AGO3: variants seen among roughly 807,000 people sequenced by gnomAD.
AGO3 encodes the protein argonaute RISC catalytic component 3.
In AGO3, 16 loss-of-function variants were observed where a neutral mutation model predicts 105.5. That is an observed-to-expected ratio of 0.15 (90% CI 0.10 to 0.23). AGO3 has a LOEUF of 0.23. Among genes scored for constraint, AGO3 ranks in the 10% least tolerant of loss-of-function variants. AGO3 has a pLI of 1.00. For synonymous variants in AGO3, 340 were observed against 367.3 expected, an observed-to-expected ratio of 0.93 and a Z score of 0.85; for missense variants, 534 against 1,088.0, an observed-to-expected ratio of 0.49 and a Z score of 7.16.
chr1:35,934,904 G>A (rs911759038), intron 1 of AGO3, among the ~76,000 whole-genome samples: 2 of 151,948 alleles, frequency 1.3e-5, no homozygotes, highest in Non-Finnish European at 2.9e-5. Context: ...TGCCTGCCTC[G>A]GCCTCCCAGA....
chr1:36,012,194 G>A (rs1317828341), intron 9 of AGO3, among the ~76,000 whole-genome samples: 2 of 151,840 alleles, frequency 1.3e-5, no homozygotes, highest in Non-Finnish European at 1.5e-5. Context: ...AATTAGCCAG[G>A]TATGTGGCAT....
At position 36,014,628 on chromosome 1, in the gene AGO3, A is replaced by G. The variant is rs60294618; in HGVS notation, c.1406+580A>G. On this transcript the variant is annotated intron_variant, in intron 11 of 18. Transcript: ENST00000373191. ...GTACTAAAAATACAAAAAATTAGCC[A>G]GGCGTGGTGGTGGGCGCCTGTAGTC... Among the ~76,000 whole-genome samples, 31 of 151,798 alleles carry G rather than the reference A, an allele frequency of 2.0e-4. 1 individual carries two copies. In the East Asian group the frequency reaches 5.7e-3, roughly 28 times the overall value.
intron 5 of AGO3, among the ~76,000 whole-genome samples, chr1:36,003,625 C>G (rs561327987): frequency 2.2e-5 from 3 of 138,932 alleles, no homozygotes; most frequent in African/African-American, 8.3e-5. Context: ...ACCCGGGAGG[C>G]GGAGATTACA....
At position 35,972,151 on chromosome 1, in the gene AGO3, A is replaced by T; in HGVS notation, c.440A>T (p.Glu147Val). The T allele has an allele frequency of 6.2e-7, 1 of 1,614,092 alleles. No homozygotes were observed. Among genetic ancestry groups the T allele is most frequent in the Non-Finnish European group, 8.5e-7 (1 of 1,180,018 alleles). The part of the protein sequence containing the change: ...HEVLTGRTLP[E>V]PLELDKPIST... ...GTACTGACAGGACGGACCTTGCCTGAGCCACTGGAATTAGACAAGCCAATC... is the reference window on the plus strand; with the variant it reads ...GTACTGACAGGACGGACCTTGCCTGTGCCACTGGAATTAGACAAGCCAATC... The change falls in exon 4 of 19, where the codon GAG becomes GTG. Residue 147 changes from glutamate to valine, a missense_variant. Around this residue, in one of 2 missense-constraint regions of AGO3, gnomAD observed 161 missense variants for 234.0 expected, o/e 0.69. Coordinates refer to ENST00000373191, the MANE Select transcript of AGO3 (RefSeq NM_024852.4).
At chr1:35,952,719 A>G (rs1310368530) in intron 2 of AGO3, among the ~76,000 whole-genome samples, 1 of 152,164 alleles carries the variant, frequency 6.6e-6, no homozygotes, top group East Asian at 1.9e-4. Flanking sequence ...ACAGGTTTGT[A>G]GCCCAGGAGT....
intron 5 of AGO3, among the ~76,000 whole-genome samples, chr1:35,987,220 C>G (rs936947677): frequency 1.4e-5 from 2 of 146,774 alleles, no homozygotes; most frequent in African/African-American, 2.5e-5. Context: ...CCCAGCTACT[C>G]GGGAGGCTGA....
intron 6 of AGO3, among the ~76,000 whole-genome samples, chr1:36,006,729 T>TGA (rs1246885023): frequency 6.6e-6 from 1 of 152,184 alleles, no homozygotes; most frequent in Non-Finnish European, 1.5e-5. Context: ...CTTATAAAGG[T>TGA]AGTTGTAATG....
At chr1:35,969,479 TC>T (rs1489772508) in intron 3 of AGO3, among the ~76,000 whole-genome samples, 1 of 152,202 alleles carries the variant, frequency 6.6e-6, no homozygotes, top group Admixed American at 6.5e-5. Flanking sequence ...TCTAATTCTG[TC>T]ATTCATTCTC....
At chr1:36,043,413 C>T in intron 16 of AGO3, 34 bp from the exon 17 acceptor site, 2 of 1,550,236 alleles carry the variant, frequency 1.3e-6, no homozygotes, top group Admixed American at 1.8e-5. Flanking sequence ...TTACCTTTTT[C>T]TTGTTTGTTT....
In AGO3 at chr1:36,055,715, A is replaced by G. The variant is rs1642895730; in HGVS notation, c.2553A>G (p.Gln851=). 1.9e-6 allele frequency: 3 copies of G among 1,614,098 alleles called. No individual in the cohort carries two copies. The highest frequency in any genetic ancestry group is 2.2e-5 in the South Asian group (2 of 91,094). The stretch of plus-strand genomic sequence containing the variant: ...TTGCCAAGGCTGTACAGATTCACCA[A>G]GATACCTTACGCACAATGTACTTCG... ...QALAKAVQIH[Q]DTLRTMYFA The change falls in exon 19 of 19, where the codon CAA becomes CAG. Residue 851 remains glutamine, a synonymous_variant. Transcript: ENST00000373191. The surrounding 1 kb of genome is among the most constrained non-coding windows in gnomAD (Gnocchi z 4.4).
chr1:36,048,573 AGAAAG>A (rs893027618), intron 17 of AGO3, among the ~76,000 whole-genome samples: 2 of 152,174 alleles, frequency 1.3e-5, no homozygotes, highest in Admixed American at 1.3e-4. Context: ...GATAATAAGA[AGAAAG>A]GAAGAAAGGA....
rs1320021932 is a variant in AGO3, at chr1:36,057,531, A to G, written c.*1786A>G. 6.6e-6 allele frequency: 1 copy of G among 152,156 alleles called. No homozygotes were observed. Among genetic ancestry groups the G allele is most frequent in the Non-Finnish European group, 1.5e-5 (1 of 68,042 alleles). 9.4% of individuals were successfully genotyped at this position (152,156 alleles called of 1,614,324 possible). On this transcript the variant is annotated 3_prime_UTR_variant, in exon 19 of 19. Coordinates refer to ENST00000373191, the MANE Select transcript of AGO3 (RefSeq NM_024852.4). ...TGTTTTTGCTATCTTTTAGTGCAAT[A>G]AGCAGTTTTAAAGGAAAGTTGTGTC...
intron 5 of AGO3, among the ~76,000 whole-genome samples, chr1:35,993,393 A>G (rs1293075189): frequency 6.6e-6 from 1 of 152,336 alleles, no homozygotes; most frequent in East Asian, 1.9e-4. Context: ...TAATCAGGAA[A>G]TTAGGAAAAA....
intron 12 of AGO3, among the ~76,000 whole-genome samples, chr1:36,029,970 G>A (rs1202695586): frequency 4.6e-5 from 7 of 152,096 alleles, no homozygotes; most frequent in African/African-American, 1.7e-4. Flanking sequence ...TGGGATTACA[G>A]GCATGAGCCA....
chr1:36,046,623 TAAAAAA>T (rs3073806), intron 17 of AGO3, among the ~76,000 whole-genome samples: 98 of 34,462 alleles, frequency 2.8e-3, no homozygotes, highest in African/African-American at 8.6e-3. Flanking sequence ...AGTCTCTATT[TAAAAAA>T]AAAAAAAAAA....
chr1:36,032,755 C>T (rs1033241736), intron 12 of AGO3, among the ~76,000 whole-genome samples: 1 of 152,006 alleles, frequency 6.6e-6, no homozygotes, highest in Admixed American at 6.6e-5. Context: ...TTTGGGAGGC[C>T]AAGACGGGTG....
chr1:35,977,625 T>C (rs899383757), intron 5 of AGO3, among the ~76,000 whole-genome samples: 10 of 152,174 alleles, frequency 6.6e-5, no homozygotes, highest in African/African-American at 2.4e-4. Context: ...ACTCCTGGTC[T>C]CAAGAGATCT....
intron 2 of AGO3, among the ~76,000 whole-genome samples, chr1:35,952,239 T>G (rs1391317606): frequency 2.0e-5 from 3 of 148,052 alleles, no homozygotes; most frequent in African/African-American, 7.5e-5. Context: ...CTCTGCCTCC[T>G]GAGTTCAAGC....
Position 36,066,100 on chromosome 1 carries a change from A to G in AGO3, c.*10355A>G, listed in dbSNP as rs1643088356. 1.3e-5 allele frequency: 2 copies of G among 152,144 alleles called. No homozygotes were observed. The highest frequency in any genetic ancestry group is 4.8e-5 in the African/African-American group (2 of 41,430). 9.4% of individuals were successfully genotyped at this position (152,144 alleles called of 1,614,324 possible). A position where few individuals can be genotyped will look rare whatever the true frequency, so the allele number is the denominator to read the frequency against. On this transcript the variant is annotated 3_prime_UTR_variant, in exon 19 of 19. Coordinates refer to ENST00000373191, the MANE Select transcript of AGO3 (RefSeq NM_024852.4). ...ATCCCAAAAAAGAATTGCCATGAACAGCGTTATGCGTAGAAAACAGATGGA... is the reference window on the plus strand; with the variant it reads ...ATCCCAAAAAAGAATTGCCATGAACGGCGTTATGCGTAGAAAACAGATGGA...
Sources: gnomAD v4.1 joint callset for allele counts (sites outside exome capture counted in the v4.1 genomes callset) on GRCh38, gnomAD v4.1.1 for gene constraint, gnomAD v4.1.1 regional missense constraint, Gnocchi (gnomAD v3.1) non-coding constraint, MANE v1.5 for transcripts, NCBI Gene and HGNC (gene_info 2026-07-23, HGNC 2026-07-21) for gene names.